Variants in ABCC8 observed in about 807,000 individuals in gnomAD.
The protein encoded by ABCC8 is ATP binding cassette subfamily C member 8.
Under a neutral mutation model 188.0 loss-of-function variants are expected in ABCC8, and 137 were observed. That is an observed-to-expected ratio of 0.73 (90% CI 0.63 to 0.84). The LOEUF (loss-of-function observed/expected upper bound fraction) is 0.84, where lower values mean the gene tolerates loss of function less well. Among genes scored for constraint, ABCC8 ranks in the 40% least tolerant of loss-of-function variants. The pLI, the probability that ABCC8 is intolerant of heterozygous loss-of-function variation, is 0.00. For synonymous variants in ABCC8, 797 were observed against 846.5 expected (o/e 0.94, Z 1.01); for missense variants, 1,750 against 2,072.7 (o/e 0.84, Z 3.02).
intron 10 of ABCC8, 194 bp from the exon 11 acceptor site, chr11:17,432,438 C>T: frequency 8.0e-7 from 1 of 1,242,634 alleles, no homozygotes; most frequent in Non-Finnish European, 1.1e-6. Flanking sequence ...ACTCTTGTCC[C>T]AGGTACCCCG....
chr11:17,411,533 G>A (rs1455053797), intron 21 of ABCC8, among the ~76,000 whole-genome samples: 1 of 152,072 alleles, frequency 6.6e-6, no homozygotes, highest in Non-Finnish European at 1.5e-5. Flanking sequence ...GTAGGGAGAG[G>A]GGAGGGAATA....
intron 2 of ABCC8, among the ~76,000 whole-genome samples, chr11:17,472,316 T>C (rs1848525714): frequency 6.6e-6 from 1 of 152,228 alleles, no homozygotes; most frequent in South Asian, 2.1e-4. Flanking sequence ...GGGAAAATAT[T>C]GTAGTTATTA....
intron 3 of ABCC8, among the ~76,000 whole-genome samples, chr11:17,469,071 T>TCCCTCCCTTCC: frequency 4.8e-5 from 1 of 20,774 alleles, no homozygotes; most frequent in African/African-American, 1.9e-4. Flanking sequence ...CCTCCCTCCC[T>TCCCTCCCTTCC]TCCCTCCCTC....
At chr11:17,417,417 G>A (rs1955134984) in intron 16 of ABCC8, among the ~76,000 whole-genome samples, 1 of 152,138 alleles carries the variant, frequency 6.6e-6, no homozygotes, top group Non-Finnish European at 1.5e-5. Context: ...ACTGCACGTG[G>A]TACTGTATTT....
rs587783164 is a variant in ABCC8 at position 17,448,511 on chromosome 11, AG to A, written c.1332+4del. The A allele has an allele frequency of 1.3e-3, 2,062 of 1,613,674 alleles. No individual in the cohort carries two copies. The highest frequency in any genetic ancestry group is 1.5e-3 in the Non-Finnish European group (1,824 of 1,179,632). Reference sequence around the variant, plus strand: ...CCCCTCCCTTCCCCTCAGCCCATCTAGTACCTGTACTGGCATAGCCCAGAGG... The same window carrying A: ...CCCCTCCCTTCCCCTCAGCCCATCTATACCTGTACTGGCATAGCCCAGAGG... On this transcript the variant is annotated splice_donor_region_variant and intron_variant, in intron 8 of 38. Coordinates refer to ENST00000389817, the MANE Select transcript of ABCC8 (RefSeq NM_000352.6).
chr11:17,412,713 T>G lies in ABCC8; in HGVS notation c.2509A>C (p.Ile837Leu). 13 of 1,611,796 alleles carry G rather than the reference T, an allele frequency of 8.1e-6. No homozygotes were observed. The highest frequency in any genetic ancestry group is 1.1e-5 in the Non-Finnish European group (13 of 1,178,990). Residue 837 changes from isoleucine to leucine, a missense_variant, in exon 21 of 39, where the codon ATC becomes CTC. Physicochemically the swap from Ile to Leu is conservative, Grantham distance 5 (BLOSUM62 2). Transcript: ENST00000389817. ...TGGTAGAGGGCTCGGGCCACACTGATTCGCTGGCGTTGACCACCAGACAGG... is the reference window on the plus strand; with the variant it reads ...TGGTAGAGGGCTCGGGCCACACTGAGTCGCTGGCGTTGACCACCAGACAGG... Reference protein sequence around the residue: ...INLSGGQRQRISVARALYQHA... With the variant: ...INLSGGQRQRLSVARALYQHA...
chr11:17,429,611 G>C (rs1420092558), intron 12 of ABCC8: 1 of 152,250 alleles, frequency 6.6e-6, no homozygotes, highest in Non-Finnish European at 1.5e-5. Context: ...CCTGGAAACA[G>C]TGGGATCCAG....
chr11:17,396,164 C>T (rs558275160), intron 33 of ABCC8: 116 of 1,022,392 alleles, frequency 1.1e-4, no homozygotes, highest in Non-Finnish European at 1.6e-4. Context: ...GTCCATTTGC[C>T]TGGGCCTTGG....
At chr11:17,436,751 T>C (rs1258231027) in intron 10 of ABCC8, among the ~76,000 whole-genome samples, 1 of 152,168 alleles carries the variant, frequency 6.6e-6, no homozygotes, top group African/African-American at 2.4e-5. Flanking sequence ...TGTAGAGACA[T>C]GGGTATTTTT....
intron 7 of ABCC8, 86 bp from the exon 8 acceptor site, chr11:17,448,757 G>A: frequency 6.2e-7 from 1 of 1,609,656 alleles, no homozygotes; most frequent in Non-Finnish European, 8.5e-7. Flanking sequence ...AGTGTGCCAG[G>A]GGCTTCTCAG....
At chr11:17,463,728 G>T in intron 3 of ABCC8, 124 bp from the exon 4 acceptor site, 1 of 1,267,616 alleles carries the variant, frequency 7.9e-7, no homozygotes, top group Non-Finnish European at 1.1e-6. Flanking sequence ...GTACATTTCC[G>T]AGTAAGTGGA....
In ABCC8 at chr11:17,462,809, T is replaced by G. The variant is rs548475237; in HGVS notation, c.579+629A>C. 2.6e-5 allele frequency among the ~76,000 whole-genome samples: 4 copies of G among 152,314 alleles called. No homozygotes were observed. The South Asian group carries it at 8.3e-4, about 32-fold the overall frequency. ...GCACAGTGCAGAAAACTGCATAATA[T>G]GATCCCATTCTTACAAGATAAATAC... On this transcript the variant is annotated intron_variant, in intron 4 of 38. Transcript: ENST00000389817.
intron 26 of ABCC8, among the ~76,000 whole-genome samples, chr11:17,405,991 T>C (rs1174184686): frequency 1.3e-5 from 2 of 152,058 alleles, no homozygotes; most frequent in Non-Finnish European, 2.9e-5. Context: ...TAAAAGTAAA[T>C]AAACTTGGAG....
At chr11:17,442,497 GC>G (rs1205341451) in intron 10 of ABCC8, among the ~76,000 whole-genome samples, 4 of 152,226 alleles carry the variant, frequency 2.6e-5, no homozygotes, top group Admixed American at 6.5e-5. Flanking sequence ...ACAGTGTCCA[GC>G]ACATAGCAGG....
intron 29 of ABCC8, among the ~76,000 whole-genome samples, chr11:17,400,220 C>CT (rs770439929): frequency 1.2e-4 from 18 of 152,288 alleles, no homozygotes; most frequent in Admixed American, 7.2e-4. Context: ...GAGCATGCTA[C>CT]TGCACACCCC....
At position 17,460,502 on chromosome 11, in the gene ABCC8, C is replaced by T. The variant is rs776764243; in HGVS notation, c.997G>A (p.Val333Ile). ...IVDHLGKEND[V>I]FQPKTQFLGV... ...GGGCTGCCTACCTTGGGCTGGAAGA[C>T]GTCGTTCTCCTTCCCAAGGTGGTCC... Residue 333 changes from valine (V) to isoleucine (I), a missense_variant, in exon 6 of 39, where the codon GTC (valine) becomes ATC (isoleucine). Transcript: ENST00000389817. 23 of 1,614,026 alleles carry T rather than the reference C, an allele frequency of 1.4e-5. No individual in the cohort carries two copies. The highest frequency in any genetic ancestry group is 1.2e-4 in the Admixed American group (7 of 60,014).
At chr11:17,475,106 T>C in intron 1 of ABCC8, 79 bp from the exon 2 acceptor site, 1 of 1,584,256 alleles carries the variant, frequency 6.3e-7, no homozygotes, top group Middle Eastern at 1.8e-4. Context: ...AGAAAGGTGC[T>C]TGGGCATTGG....
chr11:17,447,710 C>T (rs538243386), intron 8 of ABCC8, among the ~76,000 whole-genome samples: 1 of 152,310 alleles, frequency 6.6e-6, no homozygotes, highest in African/African-American at 2.4e-5. Flanking sequence ...AGGTAATCTT[C>T]CCACCTCAGC....
intron 4 of ABCC8, 68 bp downstream of exon 4, chr11:17,463,370 A>C: frequency 1.5e-6 from 2 of 1,366,118 alleles, no homozygotes; most frequent in Admixed American, 3.9e-5. Context: ...TGGGGGCCTG[A>C]ACCCAGGGCA....
Sources: gnomAD v4.1 joint callset for allele counts (sites outside exome capture counted in the v4.1 genomes callset) on GRCh38, gnomAD v4.1.1 for gene constraint, MANE v1.5 for transcripts, NCBI Gene and HGNC (gene_info 2026-07-23, HGNC 2026-07-21) for gene names.